CNBD1: variants seen among roughly 807,000 people sequenced by gnomAD.
CNBD1 encodes cyclic nucleotide binding domain containing 1, also known as cyclic nucleotide-binding domain-containing protein 1.
In CNBD1, 71 loss-of-function variants were observed where a neutral mutation model predicts 54.4. The observed-to-expected ratio is 1.30, with a 90% CI of 1.08 to 1.59. The LOEUF is 1.59. Ranked by LOEUF, CNBD1 falls within the 40% of genes most tolerant of loss-of-function variation. CNBD1 has a pLI of 0.00. For missense variants in CNBD1, 659 were observed against 518.0 expected (o/e 1.27, Z -2.64); for synonymous variants, 182 against 170.7 (o/e 1.07, Z -0.51).
rs75172808 is a variant in CNBD1 at position 87,198,287 on chromosome 8, G to C, written c.432-7706G>C. On this transcript the variant is annotated intron_variant, in intron 4 of 10. Transcript: ENST00000518476. ...GGAACTCCTCACAAAGCTCCACTCTGAGAGCATACCACAATGTGACTTATC... is the reference window on the plus strand; with the variant it reads ...GGAACTCCTCACAAAGCTCCACTCTCAGAGCATACCACAATGTGACTTATC... 8.1e-3 allele frequency among the ~76,000 whole-genome samples: 1,233 copies of C among 152,284 alleles called. 28 individuals are homozygous for C. Among genetic ancestry groups the C allele is most frequent in the African/African-American group, 0.023 (963 of 41,560 alleles).
At chr8:86,890,891 T>C (rs1048430046) in intron 2 of CNBD1, among the ~76,000 whole-genome samples, 1 of 152,092 alleles carries the variant, frequency 6.6e-6, no homozygotes. Context: ...GCTATACATA[T>C]GTCTTCTTTG....
chr8:86,925,482 A>AGT (rs71275894), intron 3 of CNBD1, among the ~76,000 whole-genome samples: 3,262 of 141,732 alleles, frequency 0.023, 87 homozygotes, highest in African/African-American at 0.072. Flanking sequence ...CTTACCAAAA[A>AGT]GTGTGTGTGT....
chr8:87,391,098 G>T (rs867624275), intron 2 of CNBD1, among the ~76,000 whole-genome samples: 3 of 152,076 alleles, frequency 2.0e-5, no homozygotes, highest in Admixed American at 6.6e-5. Flanking sequence ...TTGTGGGGTG[G>T]GGGAAGGGGG....
At chr8:87,276,066 AC>A (rs1286073413) in intron 6 of CNBD1, among the ~76,000 whole-genome samples, 1 of 151,924 alleles carries the variant, frequency 6.6e-6, no homozygotes, top group Non-Finnish European at 1.5e-5. Context: ...GACAAATATA[AC>A]CCTCACAGTA....
chr8:87,409,118 G>A (rs1461649658), intron 2 of CNBD1, among the ~76,000 whole-genome samples: 1 of 152,160 alleles, frequency 6.6e-6, no homozygotes, highest in African/African-American at 2.4e-5. Context: ...GCTGAGAAAG[G>A]CTGAAAGCTT....
chr8:87,327,965 G>C (rs1398467101), intron 8 of CNBD1, among the ~76,000 whole-genome samples: 2 of 151,784 alleles, frequency 1.3e-5, no homozygotes, highest in South Asian at 2.1e-4. Context: ...TTGATATCCA[G>C]TTTTTCTTTT....
intron 4 of CNBD1, among the ~76,000 whole-genome samples, chr8:87,167,257 C>T (rs1333948491): frequency 6.6e-6 from 1 of 151,914 alleles, no homozygotes; most frequent in African/African-American, 2.4e-5. Flanking sequence ...GTATAATCTG[C>T]AGTGATCAAA....
intron 10 of CNBD1, among the ~76,000 whole-genome samples, chr8:87,378,612 G>T (rs1182231153): frequency 1.3e-5 from 2 of 148,594 alleles, no homozygotes; most frequent in East Asian, 1.9e-4. Flanking sequence ...TGTTCTTTTG[G>T]CTTAGGATTG....
chr8:87,413,038 A>G (rs1265551392), intron 2 of CNBD1, among the ~76,000 whole-genome samples: 2 of 151,940 alleles, frequency 1.3e-5, no homozygotes, highest in African/African-American at 4.8e-5. Context: ...GGTCTAGAAT[A>G]TAGGAGGGTA....
intron 4 of CNBD1, among the ~76,000 whole-genome samples, chr8:87,026,451 G>T (rs905535982): frequency 6.7e-6 from 1 of 149,692 alleles, no homozygotes; most frequent in East Asian, 2.0e-4. Flanking sequence ...AGGGAAAAAT[G>T]TGATATTTCT....
At chr8:86,927,620 T>TGTGATTA (rs1225293471) in intron 3 of CNBD1, among the ~76,000 whole-genome samples, 1 of 152,108 alleles carries the variant, frequency 6.6e-6, no homozygotes, top group East Asian at 1.9e-4. Context: ...ACATGGTTGA[T>TGTGATTA]GTGATTAGGA....
At chr8:87,330,943 A>G (rs1174318822) in intron 8 of CNBD1, among the ~76,000 whole-genome samples, 1 of 152,040 alleles carries the variant, frequency 6.6e-6, no homozygotes, top group Non-Finnish European at 1.5e-5. Flanking sequence ...TCTTTGATTC[A>G]CTCTGACAAT....
intron 4 of CNBD1, among the ~76,000 whole-genome samples, chr8:87,053,110 A>G (rs1810345389): frequency 6.6e-6 from 1 of 152,160 alleles, no homozygotes; most frequent in Non-Finnish European, 1.5e-5. Context: ...TTGGGGAATC[A>G]TCCACTATGT....
chr8:87,343,762 G>T (rs1810115196), intron 8 of CNBD1, among the ~76,000 whole-genome samples: 1 of 151,888 alleles, frequency 6.6e-6, no homozygotes, highest in African/African-American at 2.4e-5. Context: ...TATATTCTAT[G>T]GGTTTTCATA....
intron 4 of CNBD1, among the ~76,000 whole-genome samples, chr8:87,029,892 G>A (rs1386031814): frequency 6.6e-6 from 1 of 152,048 alleles, no homozygotes; most frequent in Non-Finnish European, 1.5e-5. Flanking sequence ...AAATGCAAAG[G>A]CACATATAGG....
chr8:87,047,649 T>C (rs1245500941), intron 4 of CNBD1, among the ~76,000 whole-genome samples: 1 of 152,206 alleles, frequency 6.6e-6, no homozygotes, highest in Non-Finnish European at 1.5e-5. Context: ...TGCCACAGGG[T>C]GTAACCCTAC....
At chr8:87,213,586 C>A (rs1814147833) in intron 5 of CNBD1, among the ~76,000 whole-genome samples, 1 of 152,084 alleles carries the variant, frequency 6.6e-6, no homozygotes, top group Admixed American at 6.5e-5. Context: ...GAGAAACAAC[C>A]CCATGATTCA....
At chr8:87,384,616 T>G (rs181277809), downstream of CNBD1, among the ~76,000 whole-genome samples, 1 of 152,310 alleles carries the variant, frequency 6.6e-6, no homozygotes, top group East Asian at 1.9e-4. Context: ...ACAAACACTT[T>G]CAGAGCACCT....
intron 5 of CNBD1, among the ~76,000 whole-genome samples, chr8:87,235,782 A>G (rs1807573608): frequency 6.6e-6 from 1 of 152,202 alleles, no homozygotes; most frequent in East Asian, 1.9e-4. Context: ...GACTTGCTAG[A>G]TGCAAAGTTG....
Sources: allele counts gnomAD v4.1 joint callset (sites outside exome capture counted in the v4.1 genomes callset), GRCh38; gene constraint gnomAD v4.1.1; transcripts MANE v1.5; gene names NCBI Gene and HGNC (gene_info 2026-07-23, HGNC 2026-07-21).